Variants in BTBD9 observed in about 807,000 individuals in gnomAD.
BTBD9 encodes BTB domain containing 9.
In BTBD9, 49 loss-of-function variants were observed where a neutral mutation model predicts 64.3. That is an observed-to-expected ratio of 0.76 (90% CI 0.61 to 0.97). The LOEUF is 0.97. Among genes scored for constraint, BTBD9 ranks in the 50% least tolerant of loss-of-function variants. The probability of loss-of-function intolerance (pLI) is 0.00; values close to 1 mark genes in which losing one functional copy is unlikely to be tolerated. For missense variants in BTBD9, 598 were observed against 762.1 expected, an observed-to-expected ratio of 0.78 and a Z score of 2.53; for synonymous variants, 260 against 274.7, an observed-to-expected ratio of 0.95 and a Z score of 0.53.
intron 6 of BTBD9, among the ~76,000 whole-genome samples, chr6:38,505,364 C>G (rs907460672): frequency 7.9e-5 from 12 of 152,172 alleles, no homozygotes; most frequent in African/African-American, 2.9e-4. Context: ...GTGGCTCACA[C>G]CTGTCATCCC....
intron 6 of BTBD9, among the ~76,000 whole-genome samples, chr6:38,514,528 G>C (rs1000351613): frequency 1.3e-5 from 2 of 151,892 alleles, no homozygotes; most frequent in African/African-American, 4.8e-5. Flanking sequence ...CATGAACAAA[G>C]TCCACCCCTT....
intron 9 of BTBD9, among the ~76,000 whole-genome samples, chr6:38,254,726 C>A (rs144350412): frequency 1.3e-5 from 2 of 152,294 alleles, no homozygotes; most frequent in African/African-American, 4.8e-5. Context: ...TACTTCGTCC[C>A]TACTAGGATG....
At chr6:38,518,394 G>A (rs1292344705) in intron 6 of BTBD9, among the ~76,000 whole-genome samples, 1 of 152,180 alleles carries the variant, frequency 6.6e-6, no homozygotes, top group African/African-American at 2.4e-5. Flanking sequence ...ACTGATATGC[G>A]AGTGATAATT....
At position 38,254,451 on chromosome 6, in the gene BTBD9, A is replaced by AAAAC. The variant is rs374722049; in HGVS notation, c.1562+1954_1562+1957dup. ...AATATGGTGAGGTGCTGTCTCTACA[A>AAAAC]AAACAAACAAACAAACAAACAAACA... On this transcript the variant is annotated intron_variant, in intron 9 of 10. Transcript: ENST00000481247. Among the ~76,000 whole-genome samples the AAAAC allele has an allele frequency of 3.7e-4, 56 of 152,056 alleles. 1 individual carries two copies. The highest frequency in any genetic ancestry group is 7.5e-4 in the African/African-American group (31 of 41,442).
intron 9 of BTBD9, among the ~76,000 whole-genome samples, chr6:38,241,095 A>T (rs1763978442): frequency 6.6e-6 from 1 of 152,186 alleles, no homozygotes. Flanking sequence ...TAAAGAAAAG[A>T]CTATACATTT....
chr6:38,176,137 T>C (rs1761234054), intron 10 of BTBD9, among the ~76,000 whole-genome samples: 2 of 152,120 alleles, frequency 1.3e-5, no homozygotes, highest in Non-Finnish European at 2.9e-5. Context: ...CTGACATGCA[T>C]GTGTGAGCTG....
At chr6:38,419,363 C>T (rs1267253115) in intron 6 of BTBD9, among the ~76,000 whole-genome samples, 1 of 152,114 alleles carries the variant, frequency 6.6e-6, no homozygotes, top group East Asian at 1.9e-4. Flanking sequence ...ATACTTTAAA[C>T]AAGTGAGTTG....
intron 1 of BTBD9, among the ~76,000 whole-genome samples, chr6:38,606,707 T>C (rs1777443020): frequency 6.6e-6 from 1 of 152,226 alleles, no homozygotes; most frequent in Non-Finnish European, 1.5e-5. Context: ...TAATGGCTAC[T>C]ATTTATTGAA....
At chr6:38,316,397 T>C (rs568693260) in intron 7 of BTBD9, among the ~76,000 whole-genome samples, 1 of 152,274 alleles carries the variant, frequency 6.6e-6, no homozygotes, top group African/African-American at 2.4e-5. Flanking sequence ...GTCATCTTTT[T>C]AGTGAAGGTG....
chr6:38,443,159 G>C (rs542602873), intron 6 of BTBD9, among the ~76,000 whole-genome samples: 1 of 152,282 alleles, frequency 6.6e-6, no homozygotes, highest in Admixed American at 6.5e-5. Flanking sequence ...AACAAAGCTA[G>C]AATTCTATAC....
chr6:38,545,580 C>T (rs1774496285), intron 6 of BTBD9, among the ~76,000 whole-genome samples: 1 of 151,750 alleles, frequency 6.6e-6, no homozygotes, highest in African/African-American at 2.4e-5. Context: ...GAGATCGAGA[C>T]CATCCTGGCT....
In BTBD9 at chr6:38,408,176, G is replaced by C. The variant is rs550166286; in HGVS notation, c.1155-63083C>G. 2.0e-5 allele frequency among the ~76,000 whole-genome samples: 3 copies of C among 152,216 alleles called. No individual in the cohort carries two copies. In the East Asian group the frequency reaches 5.8e-4, roughly 29 times the overall value. On this transcript the variant is annotated intron_variant, in intron 6 of 10. Coordinates refer to ENST00000481247, the MANE Select transcript of BTBD9 (RefSeq NM_001099272.2). ...GTTCGAGACCAGCCTGGGCAACACA[G>C]TGAGACCCCCATCTCAAAAGAAAAT...
intron 6 of BTBD9, among the ~76,000 whole-genome samples, chr6:38,447,522 C>A (rs1032007401): frequency 3.3e-5 from 5 of 152,172 alleles, no homozygotes; most frequent in African/African-American, 1.2e-4. Flanking sequence ...GAAACAAGAG[C>A]TCTAACAGTC....
intron 9 of BTBD9, among the ~76,000 whole-genome samples, chr6:38,206,777 G>C (rs1762670736): frequency 6.6e-6 from 1 of 151,968 alleles, no homozygotes; most frequent in Non-Finnish European, 1.5e-5. Flanking sequence ...GAACACAATA[G>C]ATAATTCCAG....
chr6:38,248,983 C>G (rs965150999), intron 9 of BTBD9, among the ~76,000 whole-genome samples: 1 of 151,974 alleles, frequency 6.6e-6, no homozygotes, highest in Non-Finnish European at 1.5e-5. Flanking sequence ...TTGAGACTAC[C>G]GAGGTGAAGA....
At chr6:38,334,344 T>C (rs907444184) in intron 7 of BTBD9, among the ~76,000 whole-genome samples, 1 of 152,148 alleles carries the variant, frequency 6.6e-6, no homozygotes, top group Non-Finnish European at 1.5e-5. Flanking sequence ...GGAGGATCAC[T>C]TGTGGTCAGA....
At chr6:38,232,686 A>G (rs893132124) in intron 9 of BTBD9, among the ~76,000 whole-genome samples, 6 of 144,658 alleles carry the variant, frequency 4.1e-5, no homozygotes, top group Admixed American at 1.4e-4. Context: ...TTTTTTGAAG[A>G]TAAGGTCTCG....
At chr6:38,319,812 T>C (rs1162404921) in intron 7 of BTBD9, among the ~76,000 whole-genome samples, 1 of 152,042 alleles carries the variant, frequency 6.6e-6, no homozygotes, top group Non-Finnish European at 1.5e-5. Context: ...TCTCACTAGG[T>C]TGCATACTCC....
chr6:38,488,015 A>G (rs111609311), intron 6 of BTBD9, among the ~76,000 whole-genome samples: 20 of 152,290 alleles, frequency 1.3e-4, no homozygotes, highest in African/African-American at 4.8e-4. Flanking sequence ...TAGTTAGAAA[A>G]AGCAATTCCC....
Sources: allele counts gnomAD v4.1 joint callset (sites outside exome capture counted in the v4.1 genomes callset), GRCh38; gene constraint gnomAD v4.1.1; transcripts MANE v1.5; gene names NCBI Gene and HGNC (gene_info 2026-07-23, HGNC 2026-07-21).